The following OSBPL3 variants were observed in gnomAD, a reference collection of about 807,000 sequenced individuals.
OSBPL3 encodes the protein oxysterol binding protein like 3, also known as oxysterol-binding protein-related protein 3.
In OSBPL3, 65 loss-of-function variants were observed where a neutral mutation model predicts 120.1. The observed-to-expected ratio is 0.54, with a 90% CI of 0.44 to 0.67. The LOEUF (loss-of-function observed/expected upper bound fraction) is 0.67, where lower values mean the gene tolerates loss of function less well. Ranked by LOEUF, OSBPL3 falls within the 30% of genes least tolerant of loss-of-function variation. The pLI is 0.00. For missense variants in OSBPL3, 1,004 were observed against 1,082.1 expected (o/e 0.93, Z 1.01); for synonymous variants, 416 against 402.6 (o/e 1.03, Z -0.40).
In OSBPL3 at chr7:24,802,666, G is replaced by C. The variant is rs899766635; in HGVS notation, c.2567+1649C>G. 6.6e-6 allele frequency among the ~76,000 whole-genome samples: 1 copy of C among 152,186 alleles called. No individual in the cohort carries two copies. Among genetic ancestry groups the C allele is most frequent in the African/African-American group, 2.4e-5 (1 of 41,438 alleles). On this transcript the variant is annotated intron_variant, in intron 22 of 22. Coordinates refer to ENST00000313367, the MANE Select transcript of OSBPL3 (RefSeq NM_015550.4). This position sits in a 1 kb window ranked among gnomAD's most constrained non-coding sequence, Gnocchi z 4.1. ...ATCTCCTTAACTAGTCCTTGAGACA[G>C]TTTGGTTACCTACCATTTTTAATGA... is the stretch of plus-strand genomic sequence containing the variant.
At chr7:24,971,460 G>C (rs1370436368) in intron 1 of OSBPL3, among the ~76,000 whole-genome samples, 2 of 152,246 alleles carry the variant, frequency 1.3e-5, no homozygotes, top group Non-Finnish European at 2.9e-5. Context: ...TGTATGCACA[G>C]ATGGTCTGGC....
Position 24,815,251 on chromosome 7 carries a change from A to G in OSBPL3, c.2028-48T>C. The G allele has an allele frequency of 2.0e-6, 3 of 1,490,578 alleles. No homozygotes were observed. Among genetic ancestry groups the G allele is most frequent in the Non-Finnish European group, 2.8e-6 (3 of 1,075,606 alleles). The allele number at this position is 1,490,578 out of a possible 1,614,324, so 92.3% of individuals were successfully genotyped here. A position where few individuals can be genotyped will look rare whatever the true frequency, so the allele number is the denominator to read the frequency against. On this transcript the variant is annotated intron_variant, in intron 18 of 22. Transcript: ENST00000313367. The surrounding 1 kb of genome is among the most constrained non-coding windows in gnomAD (Gnocchi z 5.1). ...AGTACCAATTTCTAGAAGAGCCAGC[A>G]GCAAATGCAAACAAACTCTGCTCTT...
intron 1 of OSBPL3, among the ~76,000 whole-genome samples, chr7:24,901,035 A>AAAG: frequency 6.7e-6 from 1 of 149,432 alleles, no homozygotes; most frequent in East Asian, 2.0e-4. Flanking sequence ...AAAAAAAAAA[A>AAAG]AGAGAGAGAG....
At chr7:24,892,174 G>C (rs1229288488) in intron 2 of OSBPL3, among the ~76,000 whole-genome samples, 1 of 152,098 alleles carries the variant, frequency 6.6e-6, no homozygotes, top group East Asian at 1.9e-4. Flanking sequence ...ATTATACGAA[G>C]AACCAAATGC....
Position 24,913,515 on chromosome 7 carries a change from C to T in OSBPL3, c.-149-20894G>A, listed in dbSNP as rs75335439. 0.025 allele frequency among the ~76,000 whole-genome samples: 3,739 copies of T among 152,156 alleles called. 110 individuals are homozygous for T. The highest frequency in any genetic ancestry group is 0.062 in the East Asian group (321 of 5,166). On this transcript the variant is annotated intron_variant, in intron 1 of 22. Coordinates refer to ENST00000313367, the MANE Select transcript of OSBPL3 (RefSeq NM_015550.4). The surrounding 1 kb of genome is among the most constrained non-coding windows in gnomAD (Gnocchi z 5.3). The stretch of plus-strand genomic sequence containing the variant: ...TAAAGTCACTTACAAGAAGCAGACA[C>T]GGTCTAGTGTGGGGGCCAATCAGCT...
chr7:24,978,695 A>T (rs1011218402), intron 1 of OSBPL3, among the ~76,000 whole-genome samples: 1 of 152,172 alleles, frequency 6.6e-6, no homozygotes, highest in Non-Finnish European at 1.5e-5. Flanking sequence ...CTGTGGAAGT[A>T]TCTCTTTTGC....
At chr7:24,828,926 T>A (rs931119311) in intron 16 of OSBPL3, among the ~76,000 whole-genome samples, 1 of 152,216 alleles carries the variant, frequency 6.6e-6, no homozygotes, top group Non-Finnish European at 1.5e-5. Flanking sequence ...TTCTTGCTTA[T>A]TTCATGGAAC....
intron 1 of OSBPL3, among the ~76,000 whole-genome samples, chr7:24,926,740 T>C (rs182881158): frequency 4.1e-4 from 62 of 152,334 alleles, no homozygotes; most frequent in Admixed American, 1.2e-3. Context: ...CTTGTATATA[T>C]ATTACAACAC....
At position 24,972,357 on chromosome 7, in the gene OSBPL3, T is replaced by G. The variant is rs1817121780; in HGVS notation, c.-150+7529A>C. On this transcript the variant is annotated intron_variant, in intron 1 of 22. Coordinates refer to ENST00000313367, the MANE Select transcript of OSBPL3 (RefSeq NM_015550.4). This position sits in a 1 kb window ranked among gnomAD's most constrained non-coding sequence, Gnocchi z 4.3. ...GAGGATTCCCCAGCCACATTCTCTT[T>G]TCTCTTCCTTCAGCAACCTGAATCA... is the stretch of plus-strand genomic sequence containing the variant. Among the ~76,000 whole-genome samples the G allele has an allele frequency of 6.6e-6, 1 of 152,218 alleles. No homozygotes were observed. The highest frequency in any genetic ancestry group is 6.5e-5 in the Admixed American group (1 of 15,292).
chr7:24,831,103 A>G lies in OSBPL3; in HGVS notation c.1747-198T>C, dbSNP rs13225320. Among the ~76,000 whole-genome samples the G allele has an allele frequency of 0.11, 16,435 of 152,280 alleles. 1,288 individuals carry two copies. Among genetic ancestry groups the G allele is most frequent in the East Asian group, 0.27 (1,414 of 5,180 alleles). ...CTGGGCCCCAAAACAAATTAACCCA[A>G]TGTTTTAAAGCTGTCCATTTATCTT... On this transcript the variant is annotated intron_variant, in intron 15 of 22. Coordinates refer to ENST00000313367, the MANE Select transcript of OSBPL3 (RefSeq NM_015550.4). The surrounding 1 kb of genome is among the most constrained non-coding windows in gnomAD (Gnocchi z 4.0).
intron 1 of OSBPL3, among the ~76,000 whole-genome samples, chr7:24,921,664 G>A (rs144550880): frequency 2.0e-3 from 309 of 152,150 alleles, no homozygotes; most frequent in Middle Eastern, 6.8e-3. Flanking sequence ...AATACAGGGC[G>A]TGGTCCACAT....
chr7:24,861,973 A>G (rs897866171), intron 9 of OSBPL3, among the ~76,000 whole-genome samples: 1 of 147,530 alleles, frequency 6.8e-6, no homozygotes, highest in Non-Finnish European at 1.5e-5. Flanking sequence ...TGCAAGCTCC[A>G]CCTCCCGAGT....
At position 24,809,967 on chromosome 7, in the gene OSBPL3, G is replaced by C. The variant is rs1163061694; in HGVS notation, c.2173-16C>G. The C allele has an allele frequency of 6.2e-7, 1 of 1,613,768 alleles. No individual in the cohort carries two copies. Among genetic ancestry groups the C allele is most frequent in the Non-Finnish European group, 8.5e-7 (1 of 1,179,780 alleles). On this transcript the variant is annotated splice_polypyrimidine_tract_variant and intron_variant, in intron 19 of 22. Transcript: ENST00000313367. ...AGTATTTTGCCTAGGATTCAAATGA[G>C]TTGTTGGCTTAGTCCTTTAGCATCA... is the stretch of plus-strand genomic sequence containing the variant.
Position 24,915,622 on chromosome 7 carries a change from G to A in OSBPL3, c.-149-23001C>T, listed in dbSNP as rs112505284. The stretch of plus-strand genomic sequence containing the variant: ...ACAGTCTCACTCTGTCACCCAGGCT[G>A]GAGTGCAGTGGTACAATCTTGGCTC... On this transcript the variant is annotated intron_variant, in intron 1 of 22. Coordinates refer to ENST00000313367, the MANE Select transcript of OSBPL3 (RefSeq NM_015550.4). 1.0e-2 allele frequency among the ~76,000 whole-genome samples: 1,496 copies of A among 149,874 alleles called. 29 individuals are homozygous for A. Among genetic ancestry groups the A allele is most frequent in the African/African-American group, 0.035 (1,433 of 40,626 alleles).
At chr7:24,869,987 A>G (rs866369741) in intron 5 of OSBPL3, among the ~76,000 whole-genome samples, 7 of 152,230 alleles carry the variant, frequency 4.6e-5, no homozygotes, top group African/African-American at 1.7e-4. Flanking sequence ...AGCACATACA[A>G]TAACTAAACT....
chr7:24,953,718 AT>A lies in OSBPL3; in HGVS notation c.-150+26167del, dbSNP rs1244101117. ...TAGGTGCCCAGTAAACGCTGAACAAATGAATGAAAATAGAACTCCAAGTCAC... is the reference window on the plus strand; with the variant it reads ...TAGGTGCCCAGTAAACGCTGAACAAAGAATGAAAATAGAACTCCAAGTCAC... On this transcript the variant is annotated intron_variant, in intron 1 of 22. Transcript: ENST00000313367. This position sits in a 1 kb window ranked among gnomAD's most constrained non-coding sequence, Gnocchi z 4.3. Among the ~76,000 whole-genome samples the A allele has an allele frequency of 6.6e-6, 1 of 152,196 alleles. No homozygotes were observed. Among genetic ancestry groups the A allele is most frequent in the African/African-American group, 2.4e-5 (1 of 41,430 alleles).
At position 24,862,793 on chromosome 7, in the gene OSBPL3, T is replaced by C. The variant is rs1051829117; in HGVS notation, c.870+407A>G. ...TGCCCAGAGAATCAGGCCTGTGGGC[T>C]TAGAGGGATGACAAATCCATGGAGC... On this transcript the variant is annotated intron_variant, in intron 9 of 22. Coordinates refer to ENST00000313367, the MANE Select transcript of OSBPL3 (RefSeq NM_015550.4). The surrounding 1 kb of genome is among the most constrained non-coding windows in gnomAD (Gnocchi z 4.4). Among the ~76,000 whole-genome samples the C allele has an allele frequency of 4.6e-5, 7 of 152,014 alleles. No individual in the cohort carries two copies. Among genetic ancestry groups the C allele is most frequent in the African/African-American group, 1.7e-4 (7 of 41,348 alleles).
At chr7:24,926,098 A>G (rs1584641020) in intron 1 of OSBPL3, among the ~76,000 whole-genome samples, 1 of 152,240 alleles carries the variant, frequency 6.6e-6, no homozygotes, top group East Asian at 1.9e-4. Flanking sequence ...GGATCCTACT[A>G]TTTCTTTGTG....
chr7:24,921,991 TCAC>T (rs1810440814), intron 1 of OSBPL3, among the ~76,000 whole-genome samples: 1 of 152,240 alleles, frequency 6.6e-6, no homozygotes, highest in Admixed American at 6.5e-5. Flanking sequence ...ATTCAATTTT[TCAC>T]CACCTTTATG....
Sources: allele counts gnomAD v4.1 joint callset (sites outside exome capture counted in the v4.1 genomes callset), GRCh38; gene constraint gnomAD v4.1.1; non-coding constraint Gnocchi (gnomAD v3.1); transcripts MANE v1.5; gene names NCBI Gene and HGNC (gene_info 2026-07-23, HGNC 2026-07-21).